The following ALDH1L2 variants were observed in gnomAD, a reference collection of about 807,000 sequenced individuals.
The protein encoded by ALDH1L2 is mitochondrial 10-formyltetrahydrofolate dehydrogenase.
A neutral mutation model predicts 111.0 loss-of-function variants in ALDH1L2; 91 were observed. That is an observed-to-expected ratio of 0.82 (90% confidence interval 0.69 to 0.98). The LOEUF is 0.98. Ranked by LOEUF, ALDH1L2 falls within the 50% of genes least tolerant of loss-of-function variation. The pLI, the probability that ALDH1L2 is intolerant of heterozygous loss-of-function variation, is 0.00. For missense variants in ALDH1L2, 995 were observed against 1,126.8 expected, an observed-to-expected ratio of 0.88 and a Z score of 1.67; for synonymous variants, 374 against 392.6, an observed-to-expected ratio of 0.95 and a Z score of 0.56.
chr12:105,058,292 T>C, intron 9 of ALDH1L2, 72 bp from the exon 10 acceptor site: 1 of 1,489,410 alleles, frequency 6.7e-7, no homozygotes, highest in Non-Finnish European at 8.9e-7. Context: ...TATTTGCACT[T>C]GTCAAGTTGT....
rs570138166 is a variant in ALDH1L2 at position 105,080,070 on chromosome 12, T to G, written c.48+4319A>C. Among the ~76,000 whole-genome samples, 31 of 152,372 alleles carry G rather than the reference T, an allele frequency of 2.0e-4. No individual in the cohort carries two copies. In the East Asian group the frequency reaches 5.8e-3, roughly 28 times the overall value. On this transcript the variant is annotated intron_variant, in intron 1 of 22. Transcript: ENST00000258494. ...GAGAAACATTTTGGCTTTCAATATG[T>G]CATTATTACAAATACCATGGCAATG...
At position 105,046,941 on chromosome 12, in the gene ALDH1L2, C is replaced by T. The variant is rs75238381; in HGVS notation, c.1715G>A (p.Arg572His). The change falls in exon 14 of 23, where the codon CGT becomes CAT. Residue 572 changes from arginine (R) to histidine (H), a missense_variant. Coordinates refer to ENST00000258494, the MANE Select transcript of ALDH1L2 (RefSeq NM_001034173.4). The part of the protein sequence containing the change: ...QGSTIPINQA[R>H]PNRNLTFTKK... The stretch of plus-strand genomic sequence containing the variant: ...GGTGAAGGTCAGATTGCGATTTGGA[C>T]GGGCCTGGTTGATTGGAATAGTAGA... The T allele has an allele frequency of 1.3e-3, 2,145 of 1,613,970 alleles. 34 individuals carry two copies. In the East Asian group the frequency reaches 0.034, roughly 26 times the overall value.
chr12:105,063,479 GAAA>G (rs138765070), intron 6 of ALDH1L2, among the ~76,000 whole-genome samples: 2 of 143,644 alleles, frequency 1.4e-5, no homozygotes, highest in South Asian at 4.4e-4. Context: ...CTGTCTCAAA[GAAA>G]AAAAAAAAGA....
At chr12:105,070,510 G>C in intron 3 of ALDH1L2, 60 bp downstream of exon 3, 1 of 1,378,570 alleles carries the variant, frequency 7.3e-7, no homozygotes, top group Non-Finnish European at 9.9e-7. Context: ...TTTGAACCCA[G>C]ACTGGGCAAC....
chr12:105,030,467 G>T (rs771337529), intron 20 of ALDH1L2, 38 bp from the exon 21 acceptor site: 3 of 1,553,588 alleles, frequency 1.9e-6, no homozygotes, highest in Admixed American at 3.6e-5. Flanking sequence ...TCAACTGTAG[G>T]TTAAGTCATT....
rs76456208 is a variant in ALDH1L2, at chr12:105,024,638, C to G, written c.2717-159G>C. Reference sequence around the variant, plus strand: ...ACACTTTGAAGTTCATACTAACCATCTGAAGACTCTGTTAAGTTGCAGATC... The same window carrying G: ...ACACTTTGAAGTTCATACTAACCATGTGAAGACTCTGTTAAGTTGCAGATC... On this transcript the variant is annotated intron_variant, in intron 22 of 22. Transcript: ENST00000258494. Among the ~76,000 whole-genome samples the G allele has an allele frequency of 4.8e-3, 738 of 152,332 alleles. 4 individuals are homozygous for G. The highest frequency in any genetic ancestry group is 0.017 in the African/African-American group (700 of 41,568).
At chr12:105,035,428 A>C (rs1592766968) in intron 18 of ALDH1L2, among the ~76,000 whole-genome samples, 1 of 151,882 alleles carries the variant, frequency 6.6e-6, no homozygotes, top group South Asian at 2.1e-4. Flanking sequence ...GGCTGAAGTG[A>C]TCCTCCATCT....
chr12:105,039,914 AG>A (rs2136060839), intron 16 of ALDH1L2, 108 bp from the exon 17 acceptor site: 2 of 890,178 alleles, frequency 2.2e-6, no homozygotes, highest in South Asian at 1.3e-5. Context: ...GCAGATCACA[AG>A]GTCAGGAGAT....
At chr12:105,058,800 C>T (rs148629850) in intron 9 of ALDH1L2, among the ~76,000 whole-genome samples, 2 of 152,168 alleles carry the variant, frequency 1.3e-5, no homozygotes, top group East Asian at 1.9e-4. Flanking sequence ...CAGTGGTGTA[C>T]GAGGTACAGT....
chr12:105,055,743 T>C (rs1209803730), intron 10 of ALDH1L2, among the ~76,000 whole-genome samples: 1 of 152,052 alleles, frequency 6.6e-6, no homozygotes, highest in Non-Finnish European at 1.5e-5. Context: ...GAGATAAAAA[T>C]TATTTTAAAA....
At position 105,025,649 on chromosome 12, in the gene ALDH1L2, A is replaced by AAAAAC. The variant is rs767472639; in HGVS notation, c.2716+891_2716+895dup. On this transcript the variant is annotated intron_variant, in intron 22 of 22. Coordinates refer to ENST00000258494, the MANE Select transcript of ALDH1L2 (RefSeq NM_001034173.4). ...AAAGTCATTAGTAAAGAGAAAATGTAAAAACAAAACAAAACAAAAAAACTC... is the reference window on the plus strand; with the variant it reads ...AAAGTCATTAGTAAAGAGAAAATGTAAAAACAAAACAAAACAAAACAAAAAAACTC... Among the ~76,000 whole-genome samples, 9 of 152,364 alleles carry AAAAAC rather than the reference A, an allele frequency of 5.9e-5. No homozygotes were observed. The Middle Eastern group carries it at 0.014, about 230-fold the overall frequency.
At chr12:105,053,914 G>A (rs1004015962) in intron 10 of ALDH1L2, among the ~76,000 whole-genome samples, 12 of 151,538 alleles carry the variant, frequency 7.9e-5, no homozygotes, top group South Asian at 2.1e-4. Flanking sequence ...AACAGAAGAC[G>A]TATTTCATAT....
rs372421689 is a variant in ALDH1L2 at position 105,061,726 on chromosome 12, T to C, written c.948A>G (p.Glu316=). 84 of 1,614,032 alleles carry C rather than the reference T, an allele frequency of 5.2e-5. No homozygotes were observed. The highest frequency in any genetic ancestry group is 8.3e-5 in the Admixed American group (5 of 60,002). ...KALTVRNLQF[E]DGKMIPASQY... ...GAGAGGCAGGGATCATTTTTCCATC[T>C]TCAAACTGCAGATTTCTCACCGTCA... is the stretch of plus-strand genomic sequence containing the variant. The change falls in exon 8 of 23, where the codon GAA becomes GAG. Residue 316 remains glutamate (E), a synonymous_variant. Coordinates refer to ENST00000258494, the MANE Select transcript of ALDH1L2 (RefSeq NM_001034173.4).
At chr12:105,029,003 A>G (rs1372165809) in intron 21 of ALDH1L2, among the ~76,000 whole-genome samples, 2 of 151,588 alleles carry the variant, frequency 1.3e-5, no homozygotes, top group Admixed American at 1.3e-4. Flanking sequence ...AAACGGGAAA[A>G]CATTACTGCC....
At chr12:105,031,569 C>A (rs117336577) in intron 20 of ALDH1L2, among the ~76,000 whole-genome samples, 200 bp downstream of exon 20, 1 of 152,136 alleles carries the variant, frequency 6.6e-6, no homozygotes. Flanking sequence ...CAGCCTCCTC[C>A]GCTCACGTTA....
At chr12:105,052,712 G>T in intron 11 of ALDH1L2, 100 bp downstream of exon 11, 1 of 1,427,712 alleles carries the variant, frequency 7.0e-7, no homozygotes, top group Middle Eastern at 1.8e-4. Context: ...GAGGCAGAGT[G>T]AGAGAATAAA....
intron 10 of ALDH1L2, among the ~76,000 whole-genome samples, chr12:105,057,677 T>C (rs1370686145): frequency 6.6e-6 from 1 of 152,188 alleles, no homozygotes; most frequent in Non-Finnish European, 1.5e-5. Flanking sequence ...TATGATTCTA[T>C]TTATATGAAA....
At chr12:105,025,919 G>T (rs1036569902) in intron 22 of ALDH1L2, among the ~76,000 whole-genome samples, 1 of 152,204 alleles carries the variant, frequency 6.6e-6, no homozygotes, top group Non-Finnish European at 1.5e-5. Flanking sequence ...CTGAGCTCGT[G>T]TGAGAATTGC....
At chr12:105,049,786 A>G (rs151111212) in intron 13 of ALDH1L2, 122 bp downstream of exon 13, 1 of 1,146,700 alleles carries the variant, frequency 8.7e-7, no homozygotes, top group Non-Finnish European at 1.2e-6. Context: ...AAATGGATTG[A>G]GACAACCCTG....
Sources: allele counts gnomAD v4.1 joint callset (sites outside exome capture counted in the v4.1 genomes callset), GRCh38; gene constraint gnomAD v4.1.1; transcripts MANE v1.5; gene names NCBI Gene and HGNC (gene_info 2026-07-23, HGNC 2026-07-21).